Variants in TNFSF4 observed in about 807,000 individuals in gnomAD.
The protein encoded by TNFSF4 is tumor necrosis factor ligand superfamily member 4.
A neutral mutation model predicts 7.3 loss-of-function variants in TNFSF4; 4 were observed. That is an observed-to-expected ratio of 0.55 (90% CI 0.27 to 1.25). The LOEUF (loss-of-function observed/expected upper bound fraction) is 1.25, where lower values mean the gene tolerates loss of function less well. Among genes scored for constraint, TNFSF4 ranks in the 50% most tolerant of loss-of-function variants. The probability of loss-of-function intolerance (pLI) is 0.12; values close to 1 mark genes in which losing one functional copy is unlikely to be tolerated. For missense variants in TNFSF4, 181 were observed against 208.8 expected (o/e 0.87, Z 0.82); for synonymous variants, 76 against 83.7 (o/e 0.91, Z 0.50).
At chr1:173,324,431 A>G in the TNFSF4 span, among the ~76,000 whole-genome samples, 1 of 152,186 alleles carries the variant, frequency 6.6e-6, no homozygotes, top group African/African-American at 2.4e-5. Flanking sequence ...AAAGACCATC[A>G]AGGCTAGGAA....
chr1:173,230,823 G>A, the TNFSF4 span, among the ~76,000 whole-genome samples: 2 of 152,084 alleles, frequency 1.3e-5, no homozygotes, highest in Non-Finnish European at 2.9e-5. Context: ...ACACCTCTAC[G>A]CAAATAAACT....
intron 1 of TNFSF4, among the ~76,000 whole-genome samples, chr1:173,199,082 C>T (rs528410338): frequency 5.3e-5 from 8 of 152,122 alleles, no homozygotes; most frequent in African/African-American, 1.9e-4. Flanking sequence ...ACTGAAGAAC[C>T]GTACCCTCTT....
intron 1 of TNFSF4, among the ~76,000 whole-genome samples, chr1:173,194,607 G>A (rs548863757): frequency 1.3e-5 from 2 of 152,214 alleles, no homozygotes; most frequent in African/African-American, 4.8e-5. Context: ...AAAGGGCCTG[G>A]TGCGGTAGCT....
the TNFSF4 span, among the ~76,000 whole-genome samples, chr1:173,177,599 A>T: frequency 3.4e-3 from 517 of 152,300 alleles, 1 homozygote; most frequent in Non-Finnish European, 5.1e-3. Context: ...AATTTTTTTT[A>T]AAATAAAAAA....
At chr1:173,411,113 G>A in the TNFSF4 span, among the ~76,000 whole-genome samples, 4 of 152,276 alleles carry the variant, frequency 2.6e-5, no homozygotes, top group South Asian at 2.1e-4. Context: ...CTGTTGCTGC[G>A]GACCAGGGCA....
chr1:173,375,902 A>C, the TNFSF4 span, among the ~76,000 whole-genome samples: 3 of 151,988 alleles, frequency 2.0e-5, no homozygotes, highest in Non-Finnish European at 4.4e-5. Context: ...TGTAACACTC[A>C]CCGCAAAGGT....
the TNFSF4 span, among the ~76,000 whole-genome samples, chr1:173,312,752 T>C: frequency 2.0e-5 from 3 of 152,132 alleles, no homozygotes; most frequent in African/African-American, 7.2e-5. Flanking sequence ...CTGTGGGGGC[T>C]TATCTAAAAT....
the TNFSF4 span, among the ~76,000 whole-genome samples, chr1:173,390,593 C>G: frequency 6.6e-6 from 1 of 152,144 alleles, no homozygotes; most frequent in African/African-American, 2.4e-5. Context: ...GTGTAGGTCC[C>G]CTAAGACAAA....
the TNFSF4 span, among the ~76,000 whole-genome samples, chr1:173,177,206 T>C: frequency 6.6e-6 from 1 of 152,082 alleles, no homozygotes; most frequent in Admixed American, 6.5e-5. Flanking sequence ...AATATTATAA[T>C]TTTACCTTAA....
At chr1:173,432,125 GACAC>G in the TNFSF4 span, among the ~76,000 whole-genome samples, 1 of 152,194 alleles carries the variant, frequency 6.6e-6, no homozygotes, top group African/African-American at 2.4e-5. Context: ...TGTGAAGCAA[GACAC>G]ATCACTTCCT....
the TNFSF4 span, among the ~76,000 whole-genome samples, chr1:173,316,336 T>C: frequency 1.3e-5 from 2 of 152,136 alleles, no homozygotes; most frequent in Non-Finnish European, 2.9e-5. Context: ...TTAAATAAAT[T>C]AATTTATAAT....
chr1:173,409,602 CT>C, the TNFSF4 span, among the ~76,000 whole-genome samples: 1 of 152,106 alleles, frequency 6.6e-6, no homozygotes, highest in Non-Finnish European at 1.5e-5. Flanking sequence ...AGTCATCAAA[CT>C]TTTTAAGGTA....
At chr1:173,187,456 C>T (rs997368503) in intron 2 of TNFSF4, among the ~76,000 whole-genome samples, 2 of 152,342 alleles carry the variant, frequency 1.3e-5, no homozygotes, top group East Asian at 1.9e-4. Context: ...TGCAAATTTT[C>T]CACATGCCCC....
chr1:173,227,710 C>T, the TNFSF4 span, among the ~76,000 whole-genome samples: 1 of 152,324 alleles, frequency 6.6e-6, no homozygotes, highest in African/African-American at 2.4e-5. Context: ...TGACAGATGG[C>T]ACCTGGAAAA....
At chr1:173,224,010 C>T in the TNFSF4 span, among the ~76,000 whole-genome samples, 4 of 152,292 alleles carry the variant, frequency 2.6e-5, no homozygotes. Flanking sequence ...CCCAAAGCCC[C>T]CAGGTGATTT....
At chr1:173,195,518 A>T (rs777873444) in intron 1 of TNFSF4, among the ~76,000 whole-genome samples, 5 of 152,210 alleles carry the variant, frequency 3.3e-5, no homozygotes, top group Non-Finnish European at 7.3e-5. Context: ...GTCCAAAAAC[A>T]AAGGTGGAAA....
the TNFSF4 span, among the ~76,000 whole-genome samples, chr1:173,233,052 A>G: frequency 1.3e-5 from 2 of 152,226 alleles, no homozygotes; most frequent in Non-Finnish European, 2.9e-5. Flanking sequence ...AGATGTTCGA[A>G]CCCATTGCAA....
chr1:173,430,693 TGTC>T, the TNFSF4 span, among the ~76,000 whole-genome samples: 2 of 152,252 alleles, frequency 1.3e-5, no homozygotes, highest in Admixed American at 1.3e-4. Flanking sequence ...CAGGAATTAA[TGTC>T]ATACTCTGTC....
the TNFSF4 span, among the ~76,000 whole-genome samples, chr1:173,381,607 T>C: frequency 1.3e-5 from 2 of 152,158 alleles, no homozygotes; most frequent in Non-Finnish European, 2.9e-5. Flanking sequence ...AACCAACCCA[T>C]TGGCCTTTTC....
Sources: allele counts gnomAD v4.1 joint callset (sites outside exome capture counted in the v4.1 genomes callset), GRCh38; gene constraint gnomAD v4.1.1; transcripts MANE v1.5; gene names NCBI Gene and HGNC (gene_info 2026-07-23, HGNC 2026-07-21).